The following TANC2 variants were observed in gnomAD, a reference collection of about 807,000 sequenced individuals.
TANC2 encodes the protein tetratricopeptide repeat, ankyrin repeat and coiled-coil containing 2.
A neutral mutation model predicts 210.5 loss-of-function variants in TANC2; 26 were observed. That is an observed-to-expected ratio of 0.12 (90% confidence interval 0.09 to 0.17). The LOEUF is 0.17. TANC2 is among the 10% of genes least tolerant of loss of function. The probability of loss-of-function intolerance (pLI) is 1.00; values close to 1 mark genes in which losing one functional copy is unlikely to be tolerated. For synonymous variants in TANC2, 931 were observed against 967.1 expected, an observed-to-expected ratio of 0.96 and a Z score of 0.69; for missense variants, 2,129 against 2,608.9, an observed-to-expected ratio of 0.82 and a Z score of 4.01.
intron 1 of TANC2, among the ~76,000 whole-genome samples, chr17:62,974,836 C>T (rs769443186): frequency 4.6e-5 from 7 of 152,102 alleles, no homozygotes; most frequent in African/African-American, 7.2e-5. Context: ...TATTCCTTTT[C>T]GTAGATATCA....
chr17:63,350,698 ACT>A (rs1555638727), intron 12 of TANC2, among the ~76,000 whole-genome samples: 1 of 151,730 alleles, frequency 6.6e-6, no homozygotes, highest in Non-Finnish European at 1.5e-5. Flanking sequence ...ACCTGGTTCA[ACT>A]CTGTCTAATG....
chr17:63,039,851 AG>A (rs1314146570), intron 2 of TANC2, among the ~76,000 whole-genome samples: 1 of 152,172 alleles, frequency 6.6e-6, no homozygotes, highest in Non-Finnish European at 1.5e-5. Flanking sequence ...TAGCATTACT[AG>A]ATGCATGCAT....
intron 9 of TANC2, among the ~76,000 whole-genome samples, chr17:63,295,385 T>C (rs139119668): frequency 0.012 from 1,846 of 152,382 alleles, 27 homozygotes; most frequent in Non-Finnish European, 0.018. Context: ...GTTATCTTAA[T>C]AGACTATTTC....
intron 13 of TANC2, 62 bp from the exon 14 acceptor site, chr17:63,354,721 A>G: frequency 6.6e-7 from 1 of 1,513,392 alleles, no homozygotes. Flanking sequence ...CTCATAGTTT[A>G]TCACAAGAGT....
intron 15 of TANC2, among the ~76,000 whole-genome samples, chr17:63,386,374 G>A (rs2047779629): frequency 6.6e-6 from 1 of 152,120 alleles, no homozygotes; most frequent in Non-Finnish European, 1.5e-5. Context: ...GTTTTAAAGA[G>A]TTCATATCTG....
chr17:63,290,276 T>C (rs958486791), intron 9 of TANC2, among the ~76,000 whole-genome samples: 37 of 152,178 alleles, frequency 2.4e-4, no homozygotes, highest in Non-Finnish European at 4.6e-4. Context: ...CTCTCAGACT[T>C]GTCCACATGG....
chr17:63,152,993 C>T (rs1440555923), intron 5 of TANC2: 1 of 152,040 alleles, frequency 6.6e-6, no homozygotes, highest in Admixed American at 6.6e-5. Flanking sequence ...CAAAGTGCTG[C>T]TAAAAAAGTC....
intron 2 of TANC2, among the ~76,000 whole-genome samples, chr17:63,046,349 T>TTTTTG (rs2035381445): frequency 9.3e-5 from 13 of 140,310 alleles, no homozygotes; most frequent in East Asian, 2.0e-4. Context: ...TTTTTTTTTT[T>TTTTTG]GAGATGGAGT....
rs919095188 is a variant in TANC2, at chr17:63,348,865, G to A, written c.1808-2385G>A. 2.4e-4 allele frequency among the ~76,000 whole-genome samples: 37 copies of A among 152,154 alleles called. 1 individual carries two copies. The highest frequency in any genetic ancestry group is 2.6e-4 in the Admixed American group (4 of 15,286). ...CAAAGTGAAAATCTAAAGAACATTA[G>A]TATCTCACCTCTTAAATTTATAATT... On this transcript the variant is annotated intron_variant, in intron 12 of 27. Coordinates refer to ENST00000689528, the Ensembl canonical transcript of TANC2.
At chr17:63,323,919 C>G (rs1400647572) in intron 11 of TANC2, among the ~76,000 whole-genome samples, 1 of 152,166 alleles carries the variant, frequency 6.6e-6, no homozygotes, top group Non-Finnish European at 1.5e-5. Flanking sequence ...TAGTACATGA[C>G]TGAGTCAAGA....
intron 11 of TANC2, among the ~76,000 whole-genome samples, chr17:63,334,862 G>A (rs1248315019): frequency 6.6e-6 from 1 of 152,220 alleles, no homozygotes; most frequent in Admixed American, 6.5e-5. Context: ...AGCATGGCAT[G>A]TGTCCAGCTT....
chr17:63,413,386 G>A (rs1277221800), intron 24 of TANC2, 157 bp from the exon 25 acceptor site: 1 of 542,182 alleles, frequency 1.8e-6, no homozygotes, highest in East Asian at 3.1e-5. Context: ...GGCAGTGGGA[G>A]TTACTAAAAT....
intron 1 of TANC2, among the ~76,000 whole-genome samples, chr17:62,994,891 A>G (rs911275809): frequency 3.9e-5 from 6 of 152,180 alleles, no homozygotes; most frequent in African/African-American, 1.2e-4. Context: ...CTTCTCTTTG[A>G]CATTTTGGGT....
intron 5 of TANC2, among the ~76,000 whole-genome samples, chr17:63,189,965 G>A (rs2041127949): frequency 6.6e-6 from 1 of 152,172 alleles, no homozygotes; most frequent in Admixed American, 6.5e-5. Flanking sequence ...ACCTTTGTTT[G>A]TGGTTATCCA....
rs370694256 is a variant in TANC2, at chr17:63,196,321, A to G, written c.582+2182A>G. Among the ~76,000 whole-genome samples the G allele has an allele frequency of 2.8e-3, 430 of 152,360 alleles. 22 individuals carry two copies. In the South Asian group the frequency reaches 0.087, roughly 31 times the overall value. ...GGGATTTTTTAAAATTGGGAGCAAT[A>G]AAACATCTATTTCACCTTTCATTTC... On this transcript the variant is annotated intron_variant, in intron 6 of 27. Transcript: ENST00000689528.
At chr17:63,131,405 TTGTTGGTTGATCA>T (rs1474603624) in intron 4 of TANC2, among the ~76,000 whole-genome samples, 2 of 152,302 alleles carry the variant, frequency 1.3e-5, no homozygotes, top group East Asian at 3.9e-4. Context: ...TTGGGATCAC[TTGTTGGTTGATCA>T]TGTTGGTTTC....
At chr17:63,090,278 A>G (rs2037135806) in intron 3 of TANC2, among the ~76,000 whole-genome samples, 1 of 147,030 alleles carries the variant, frequency 6.8e-6, no homozygotes. Flanking sequence ...TTTGTTACAT[A>G]TGTATACGTG....
At chr17:62,982,888 G>A (rs2032374423) in intron 1 of TANC2, among the ~76,000 whole-genome samples, 1 of 152,164 alleles carries the variant, frequency 6.6e-6, no homozygotes, top group Non-Finnish European at 1.5e-5. Flanking sequence ...TTTGAAGTCT[G>A]GTAGTGTGAT....
intron 11 of TANC2, chr17:63,334,090 C>T (rs543542419): frequency 5.3e-5 from 8 of 152,260 alleles, no homozygotes; most frequent in African/African-American, 1.9e-4. Context: ...CAAGGTATGC[C>T]TTTATACGTA....
Sources: allele counts gnomAD v4.1 joint callset (sites outside exome capture counted in the v4.1 genomes callset), GRCh38; gene constraint gnomAD v4.1.1; transcripts MANE v1.5; gene names NCBI Gene and HGNC (gene_info 2026-07-23, HGNC 2026-07-21).